Variants in PKP4 observed in about 807,000 individuals in gnomAD.
The protein encoded by PKP4 is plakophilin-4.
A neutral mutation model predicts 145.1 loss-of-function variants in PKP4; 90 were observed. The observed-to-expected ratio is 0.62, with a 90% CI of 0.52 to 0.74. PKP4 has a LOEUF of 0.74. Ranked by LOEUF, PKP4 falls within the 30% of genes least tolerant of loss-of-function variation. The probability of loss-of-function intolerance (pLI) is 0.00; values close to 1 mark genes in which losing one functional copy is unlikely to be tolerated. For missense variants in PKP4, 1,340 were observed against 1,482.7 expected (o/e 0.90, Z 1.58); for synonymous variants, 563 against 577.2 (o/e 0.98, Z 0.35).
At position 158,621,121 on chromosome 2, in the gene PKP4, G is replaced by A; in HGVS notation, c.412G>A (p.Gly138Arg). Residue 138 changes from glycine (G) to arginine (R), a missense_variant and splice_region_variant, in exon 5 of 22, where the codon GGA becomes AGA. By Grantham distance (125) the Gly-to-Arg change is moderately radical. Transcript: ENST00000389759. ...ACAGACATCTCTCCATGAAAGTGAG[G>A]GTCTGTTGTGTTATCTTTTAAGTAC... is the stretch of plus-strand genomic sequence containing the variant. ...PEQTSLHESE[G>R]SLGNSRSSTQ... 2 of 1,614,006 alleles carry A rather than the reference G, an allele frequency of 1.2e-6. No individual in the cohort carries two copies. The highest frequency in any genetic ancestry group is 1.7e-6 in the Non-Finnish European group (2 of 1,179,980).
At chr2:158,523,018 T>G (rs1329854637) in intron 1 of PKP4, among the ~76,000 whole-genome samples, 2 of 151,952 alleles carry the variant, frequency 1.3e-5, no homozygotes, top group African/African-American at 4.8e-5. Flanking sequence ...CACAGCAGTC[T>G]GAGATCAAAC....
chr2:158,561,684 C>T (rs1263256095), intron 2 of PKP4, among the ~76,000 whole-genome samples: 5 of 152,232 alleles, frequency 3.3e-5, no homozygotes, highest in Non-Finnish European at 5.9e-5. Context: ...GAGTGCTCGT[C>T]GCACTTTGTT....
At chr2:158,603,343 A>G (rs755467632) in intron 4 of PKP4, among the ~76,000 whole-genome samples, 4 of 152,202 alleles carry the variant, frequency 2.6e-5, no homozygotes, top group Non-Finnish European at 4.4e-5. Context: ...TATTAACCCC[A>G]TATCTGAAAG....
At chr2:158,680,064 G>A (rs2058333964) in intron 21 of PKP4, among the ~76,000 whole-genome samples, 1 of 152,154 alleles carries the variant, frequency 6.6e-6, no homozygotes, top group Non-Finnish European at 1.5e-5. Context: ...CAAATATCAA[G>A]ACCATCCTCT....
rs1046963705 is a variant in PKP4, at chr2:158,679,006, C to T, written c.3330+352C>T. 2.5e-5 allele frequency: 7 copies of T among 285,672 alleles called. No individual in the cohort carries two copies. The South Asian group carries it at 3.5e-4, about 14-fold the overall frequency. The allele number at this position is 285,672 out of a possible 1,614,324, so 17.7% of individuals were successfully genotyped here. Reference sequence around the variant, plus strand: ...GAGTGAGGGAAGGTTGGTAAGCACACTTCATGCCCTCATCACATTGTTCTC... The same window carrying T: ...GAGTGAGGGAAGGTTGGTAAGCACATTTCATGCCCTCATCACATTGTTCTC... On this transcript the variant is annotated intron_variant, in intron 21 of 21. Coordinates refer to ENST00000389759, the MANE Select transcript of PKP4 (RefSeq NM_003628.6).
chr2:158,590,959 T>C (rs1031841587), intron 3 of PKP4, among the ~76,000 whole-genome samples: 2 of 152,140 alleles, frequency 1.3e-5, no homozygotes, highest in Non-Finnish European at 2.9e-5. Flanking sequence ...ATGAGAAGTA[T>C]GTAACGTCAC....
intron 4 of PKP4, among the ~76,000 whole-genome samples, chr2:158,613,772 A>G (rs191605955): frequency 1.8e-4 from 28 of 152,320 alleles, no homozygotes; most frequent in Admixed American, 3.3e-4. Flanking sequence ...CACCATTCAT[A>G]AAGTATGCTA....
intron 11 of PKP4, among the ~76,000 whole-genome samples, chr2:158,643,336 C>CA (rs1388410244): frequency 6.6e-6 from 1 of 152,116 alleles, no homozygotes; most frequent in Non-Finnish European, 1.5e-5. Context: ...GCTGGATAGG[C>CA]AGAGGTCTTT....
At chr2:158,655,886 G>A (rs1476820212) in intron 11 of PKP4, among the ~76,000 whole-genome samples, 1 of 152,192 alleles carries the variant, frequency 6.6e-6, no homozygotes, top group African/African-American at 2.4e-5. Flanking sequence ...AGCAGGAAAT[G>A]TTAAAGCCCA....
At chr2:158,640,398 G>A (rs755389621) in intron 9 of PKP4, among the ~76,000 whole-genome samples, 2 of 152,204 alleles carry the variant, frequency 1.3e-5, no homozygotes, top group Non-Finnish European at 2.9e-5. Flanking sequence ...TTGTTCCCCT[G>A]AATCTCTTTC....
At chr2:158,585,890 C>CAAAAA (rs370996666) in intron 3 of PKP4, among the ~76,000 whole-genome samples, 1 of 133,234 alleles carries the variant, frequency 7.5e-6, no homozygotes, top group Non-Finnish European at 1.6e-5. Context: ...TTTATCATTC[C>CAAAAA]AAAAAAAAAA....
chr2:158,516,123 T>A (rs1299058044), intron 1 of PKP4, among the ~76,000 whole-genome samples: 1 of 151,852 alleles, frequency 6.6e-6, no homozygotes, highest in African/African-American at 2.4e-5. Context: ...TTAAACAGGT[T>A]CTTTTTTTCA....
chr2:158,642,125 G>A (rs994662346), intron 10 of PKP4, among the ~76,000 whole-genome samples: 3 of 152,182 alleles, frequency 2.0e-5, no homozygotes, highest in Non-Finnish European at 4.4e-5. Flanking sequence ...AGGTTCCAGC[G>A]ATTCTTGTGC....
chr2:158,479,602 C>G (rs1318942461), intron 1 of PKP4, among the ~76,000 whole-genome samples: 1 of 152,112 alleles, frequency 6.6e-6, no homozygotes, highest in Non-Finnish European at 1.5e-5. Flanking sequence ...TATTAAGCTT[C>G]TATAGGCAGA....
At position 158,636,435 on chromosome 2, in the gene PKP4, G is replaced by T. The variant is rs2053816708; in HGVS notation, c.1562+2146G>T. Among the ~76,000 whole-genome samples, 4 of 151,840 alleles carry T rather than the reference G, an allele frequency of 2.6e-5. No homozygotes were observed. In the South Asian group the frequency reaches 8.3e-4, roughly 32 times the overall value. ...TCATTATGTAATGTGTCTTTTCTTT[G>T]GCTGCTTTTCAGATTTTTCTCTAGC... On this transcript the variant is annotated intron_variant, in intron 9 of 21. Transcript: ENST00000389759.
At chr2:158,580,423 A>C (rs1233192089) in intron 3 of PKP4, among the ~76,000 whole-genome samples, 1 of 152,174 alleles carries the variant, frequency 6.6e-6, no homozygotes, top group Non-Finnish European at 1.5e-5. Flanking sequence ...GCACAAATGC[A>C]TATATGGCCC....
intron 10 of PKP4, 125 bp downstream of exon 10, chr2:158,640,884 AC>A: frequency 1.0e-6 from 1 of 973,036 alleles, no homozygotes; most frequent in Non-Finnish European, 1.6e-6. Flanking sequence ...ATATTTTGAT[AC>A]CAGATACTCT....
chr2:158,569,294 T>G (rs1574532923), intron 2 of PKP4, among the ~76,000 whole-genome samples: 1 of 152,182 alleles, frequency 6.6e-6, no homozygotes, highest in African/African-American at 2.4e-5. Flanking sequence ...ACAACAAAGA[T>G]CTTAATATTG....
At chr2:158,602,877 A>G (rs182842000) in intron 3 of PKP4, among the ~76,000 whole-genome samples, 193 bp from the exon 4 acceptor site, 21 of 152,288 alleles carry the variant, frequency 1.4e-4, no homozygotes, top group Admixed American at 1.2e-3. Context: ...TAATTTCCAA[A>G]TAGAAACAAT....
Sources: gnomAD v4.1 joint callset for allele counts (sites outside exome capture counted in the v4.1 genomes callset) on GRCh38, gnomAD v4.1.1 for gene constraint, MANE v1.5 for transcripts, NCBI Gene and HGNC (gene_info 2026-07-23, HGNC 2026-07-21) for gene names.